Variants in DCAF12 observed in about 807,000 individuals in gnomAD.
DCAF12 encodes the protein DDB1 and CUL4 associated factor 12, also known as DDB1- and CUL4-associated factor 12.
In DCAF12, 28 loss-of-function variants were observed where a neutral mutation model predicts 52.8. That is an observed-to-expected ratio of 0.53 (90% CI 0.39 to 0.73). DCAF12 has a LOEUF of 0.73. DCAF12 is among the 30% of genes least tolerant of loss of function. The pLI, the probability that DCAF12 is intolerant of heterozygous loss-of-function variation, is 0.00. For synonymous variants in DCAF12, 196 were observed against 215.5 expected (o/e 0.91, Z 0.79); for missense variants, 425 against 552.2 (o/e 0.77, Z 2.31).
At chr9:34,110,985 GTT>G (rs1204745952) in intron 2 of DCAF12, among the ~76,000 whole-genome samples, 11 of 125,922 alleles carry the variant, frequency 8.7e-5, no homozygotes, top group South Asian at 2.6e-4. Flanking sequence ...ATTCTTTTCT[GTT>G]TTTTTTTTTT....
At chr9:34,109,738 G>C (rs1281752091) in intron 2 of DCAF12, 1 of 270,868 alleles carries the variant, frequency 3.7e-6, no homozygotes, top group African/African-American at 2.3e-5. Flanking sequence ...CATTGAGCTG[G>C]CCCTGGAAGC....
chr9:34,124,993 G>A (rs984135552), intron 2 of DCAF12, 30 bp downstream of exon 2: 30 of 1,611,032 alleles, frequency 1.9e-5, no homozygotes, highest in Non-Finnish European at 2.2e-5. Flanking sequence ...CACGACCTAG[G>A]AGAGAGGTCA....
intron 8 of DCAF12, among the ~76,000 whole-genome samples, 167 bp downstream of exon 8, chr9:34,089,245 C>A (rs112632354): frequency 6.6e-6 from 1 of 152,098 alleles, no homozygotes; most frequent in Non-Finnish European, 1.5e-5. Context: ...CCACAGGCAA[C>A]GTGCAGACAT....
intron 2 of DCAF12, among the ~76,000 whole-genome samples, chr9:34,108,947 TCAAA>T (rs1350449476): frequency 1.3e-5 from 2 of 148,682 alleles, no homozygotes; most frequent in Non-Finnish European, 3.0e-5. Context: ...AGACCCTATC[TCAAA>T]CAAATACATA....
intron 2 of DCAF12, among the ~76,000 whole-genome samples, chr9:34,110,417 T>A (rs1219745884): frequency 6.6e-6 from 1 of 152,166 alleles, no homozygotes; most frequent in African/African-American, 2.4e-5. Flanking sequence ...TCCTCACTCA[T>A]CACTTCTCCT....
Position 34,101,333 on chromosome 9 carries a change from G to A in DCAF12, c.602-2816C>T, listed in dbSNP as rs73491056. Among the ~76,000 whole-genome samples the A allele has an allele frequency of 8.8e-3, 1,328 of 151,754 alleles. 17 individuals are homozygous for A. Among genetic ancestry groups the A allele is most frequent in the African/African-American group, 0.03 (1,239 of 41,386 alleles). ...CCTCAAACTCCTGCTTCAGTCTCTC[G>A]AAATACTGGGACTACAAGTGTAAGC... On this transcript the variant is annotated intron_variant, in intron 4 of 8. Transcript: ENST00000361264.
intron 2 of DCAF12, chr9:34,109,472 G>A (rs1247695802): frequency 1.2e-5 from 2 of 172,110 alleles, no homozygotes; most frequent in African/African-American, 2.4e-5. Flanking sequence ...AATGAACAAA[G>A]TAGCTGCTGT....
chr9:34,123,437 A>C (rs10971939), intron 2 of DCAF12, among the ~76,000 whole-genome samples: 13,806 of 152,244 alleles, frequency 0.091, 908 homozygotes, highest in Non-Finnish European at 0.13. Context: ...AGATGCAAAA[A>C]CAAAAGCACA....
chr9:34,116,532 G>A (rs866944207), intron 2 of DCAF12, among the ~76,000 whole-genome samples: 99 of 152,012 alleles, frequency 6.5e-4, no homozygotes, highest in African/African-American at 2.2e-3. Context: ...AAAATTAGCC[G>A]GGCATAGTAG....
Position 34,098,313 on chromosome 9 carries a change from C to A in DCAF12, c.795+11G>T. On this transcript the variant is annotated intron_variant, in intron 5 of 8. Coordinates refer to ENST00000361264, the MANE Select transcript of DCAF12 (RefSeq NM_015397.4). ...GGAATACACGTCAGGGATCCCTACA[C>A]AAGTTCATACCTTGTTCTTGTTGTT... The A allele has an allele frequency of 5.0e-6, 8 of 1,612,040 alleles. No homozygotes were observed. Among genetic ancestry groups the A allele is most frequent in the Middle Eastern group, 1.7e-4 (1 of 6,020 alleles).
Position 34,106,493 on chromosome 9 carries a change from T to C in DCAF12, c.542A>G (p.Asp181Gly). Reference protein sequence around the residue: ...PTLDPVCVGDDGHKDWIFSIA... With the variant: ...PTLDPVCVGDGGHKDWIFSIA... ...GGAAAAGATCCAGTCCTTGTGTCCA[T>C]CCTTGGAGAGCAGGGAGTAACAGGT... The change falls in exon 4 of 9, where the codon GAT becomes GGT. Residue 181 changes from aspartate to glycine, a missense_variant and splice_region_variant. Around this residue, in one of 3 missense-constraint regions of DCAF12, gnomAD observed 328 missense variants for 444.4 expected, o/e 0.74. Transcript: ENST00000361264. 6.2e-7 allele frequency: 1 copy of C among 1,609,840 alleles called. No individual in the cohort carries two copies. The highest frequency in any genetic ancestry group is 8.5e-7 in the Non-Finnish European group (1 of 1,177,318).
At chr9:34,109,838 A>T (rs2131436877) in intron 2 of DCAF12, 1 of 322,880 alleles carries the variant, frequency 3.1e-6, no homozygotes, top group African/African-American at 2.2e-5. Flanking sequence ...GGTCGGAAGC[A>T]GATGTCTTAG....
intron 3 of DCAF12, 109 bp downstream of exon 3, chr9:34,107,250 T>C (rs1828917546): frequency 3.8e-6 from 4 of 1,040,694 alleles, no homozygotes; most frequent in East Asian, 4.8e-5. Context: ...CTGTGCCCTA[T>C]GGGGAGTCCA....
intron 7 of DCAF12, among the ~76,000 whole-genome samples, chr9:34,092,041 T>C (rs139077086): frequency 4.4e-4 from 67 of 152,286 alleles, no homozygotes; most frequent in African/African-American, 1.4e-3. Flanking sequence ...CTAAAATAAG[T>C]ATTTTTTCCC....
intron 2 of DCAF12, among the ~76,000 whole-genome samples, chr9:34,112,572 C>T (rs530526132): frequency 2.0e-5 from 3 of 151,070 alleles, no homozygotes; most frequent in South Asian, 2.1e-4. Context: ...CCAGCCTGGG[C>T]GACAGAGTGA....
In DCAF12 at chr9:34,087,350, T is replaced by C. The variant is rs1828574011; in HGVS notation, c.*1000A>G. 6.6e-6 allele frequency: 1 copy of C among 152,246 alleles called. No individual in the cohort carries two copies. The highest frequency in any genetic ancestry group is 1.5e-5 in the Non-Finnish European group (1 of 68,068). The allele number at this position is 152,246 out of a possible 1,614,324, so 9.4% of individuals were successfully genotyped here. A position where few individuals can be genotyped will look rare whatever the true frequency, so the allele number is the denominator to read the frequency against. ...ATTGGAAGAATGGCAGAGAGGATTC[T>C]CCTCAAAGCCATGGGGGCTATGGAT... On this transcript the variant is annotated 3_prime_UTR_variant, in exon 9 of 9. Transcript: ENST00000361264.
intron 4 of DCAF12, among the ~76,000 whole-genome samples, chr9:34,104,202 T>C (rs1828871021): frequency 6.6e-6 from 1 of 151,608 alleles, no homozygotes; most frequent in African/African-American, 2.4e-5. Flanking sequence ...GAGGCTGAGG[T>C]TGCAGTGAGC....
intron 2 of DCAF12, chr9:34,109,865 T>C (rs1336056680): frequency 1.5e-5 from 4 of 274,410 alleles, no homozygotes; most frequent in Admixed American, 7.3e-5. Context: ...TCCTTATCAA[T>C]GCAAAAGGTC....
At chr9:34,100,357 C>A (rs999186075) in intron 4 of DCAF12, among the ~76,000 whole-genome samples, 1 of 151,732 alleles carries the variant, frequency 6.6e-6, no homozygotes, top group African/African-American at 2.4e-5. Flanking sequence ...CGTCACCACG[C>A]CTGGCTAATT....
Sources: gnomAD v4.1 joint callset for allele counts (sites outside exome capture counted in the v4.1 genomes callset) on GRCh38, gnomAD v4.1.1 for gene constraint, gnomAD v4.1.1 regional missense constraint, MANE v1.5 for transcripts, NCBI Gene and HGNC (gene_info 2026-07-23, HGNC 2026-07-21) for gene names.